TRPM3: variants seen among roughly 807,000 people sequenced by gnomAD.
The protein encoded by TRPM3 is transient receptor potential cation channel subfamily M member 3.
Under a neutral mutation model 181.2 loss-of-function variants are expected in TRPM3, and 77 were observed. The ratio of observed to expected loss-of-function variants is 0.42; its 90% CI spans 0.35 to 0.51. The LOEUF is 0.51. Ranked by LOEUF, TRPM3 falls within the 20% of genes least tolerant of loss-of-function variation. The pLI is 0.01. For missense variants in TRPM3, 1,759 were observed against 2,196.7 expected (o/e 0.80, Z 3.98); for synonymous variants, 745 against 796.4 (o/e 0.94, Z 1.09).
At chr9:70,991,557 T>TTTTG (rs2097485988) in intron 1 of TRPM3, among the ~76,000 whole-genome samples, 1 of 144,946 alleles carries the variant, frequency 6.9e-6, no homozygotes, top group Non-Finnish European at 1.5e-5. Context: ...ATGTGTCTGT[T>TTTTG]TTTTTTTTTT....
At chr9:71,375,510 G>A (rs961668855) in intron 1 of TRPM3, among the ~76,000 whole-genome samples, 14 of 152,192 alleles carry the variant, frequency 9.2e-5, no homozygotes, top group African/African-American at 2.9e-4. Context: ...CAACAGAAGC[G>A]AAAATTGACA....
rs1254978274 is a variant in TRPM3 at position 70,531,294 on chromosome 9, AAAAG to A, written c.*4655_*4658del. ...CATATTATTTGTTCAGTGCTTAAAA[AAAAG>A]ATTTAAAAATCCCTTGGTTACTTTT... On this transcript the variant is annotated 3_prime_UTR_variant, in exon 26 of 26. Transcript: ENST00000677713. 1 of 152,224 alleles carries A rather than the reference AAAAG, an allele frequency of 6.6e-6. No homozygotes were observed. The highest frequency in any genetic ancestry group is 1.5e-5 in the Non-Finnish European group (1 of 68,044). The allele number at this position is 152,224 out of a possible 1,614,324, so 9.4% of individuals were successfully genotyped here.
intron 6 of TRPM3, among the ~76,000 whole-genome samples, chr9:70,815,692 T>C (rs1360157615): frequency 6.6e-6 from 1 of 152,236 alleles, no homozygotes; most frequent in Non-Finnish European, 1.5e-5. Flanking sequence ...GATTTGTAGA[T>C]ACTCGGCATA....
At chr9:70,644,157 C>T (rs895060393) in intron 9 of TRPM3, among the ~76,000 whole-genome samples, 1 of 152,184 alleles carries the variant, frequency 6.6e-6, no homozygotes, top group African/African-American at 2.4e-5. Context: ...TAAGGTCAAC[C>T]TCTTCACAGA....
intron 6 of TRPM3, 126 bp downstream of exon 6, chr9:70,827,721 T>C: frequency 8.2e-7 from 1 of 1,213,084 alleles, no homozygotes. Context: ...TCTGGCCCGG[T>C]AGAAATAATG....
intron 1 of TRPM3, among the ~76,000 whole-genome samples, chr9:71,283,687 G>A (rs2085045050): frequency 6.6e-6 from 1 of 152,010 alleles, no homozygotes. Flanking sequence ...TGGGCACTTG[G>A]GTATCACAAA....
chr9:71,212,807 T>G (rs2131808513), intron 1 of TRPM3, among the ~76,000 whole-genome samples: 1 of 152,286 alleles, frequency 6.6e-6, no homozygotes, highest in African/African-American at 2.4e-5. Flanking sequence ...TTTTCCCCTT[T>G]CAGAGATTTT....
In TRPM3 at chr9:71,166,731, A is replaced by C. The variant is rs12003754; in HGVS notation, c.183+279922T>G. 9.6e-3 allele frequency among the ~76,000 whole-genome samples: 1,467 copies of C among 152,326 alleles called. 25 individuals are homozygous for C. The highest frequency in any genetic ancestry group is 0.033 in the African/African-American group (1,376 of 41,564). On this transcript the variant is annotated intron_variant, in intron 1 of 24. Transcript: ENST00000357533. ...TTAGAAAGGAAGAATAAAAGGACTA[A>C]TGGACTGTTAATGTAGAAGCTCAAA...
chr9:71,133,207 G>C (rs1033485505), intron 1 of TRPM3, among the ~76,000 whole-genome samples: 8 of 148,338 alleles, frequency 5.4e-5, no homozygotes, highest in African/African-American at 2.0e-4. Context: ...GATAATCACA[G>C]AAAAAGAAAT....
At chr9:70,850,298 G>A (rs1334188255) in intron 3 of TRPM3, among the ~76,000 whole-genome samples, 1 of 152,062 alleles carries the variant, frequency 6.6e-6, no homozygotes, top group African/African-American at 2.4e-5. Flanking sequence ...GGAGCATTCA[G>A]GCAGAAGAGG....
At chr9:70,791,540 G>A (rs189389392) in intron 6 of TRPM3, among the ~76,000 whole-genome samples, 2 of 152,234 alleles carry the variant, frequency 1.3e-5, no homozygotes, top group Admixed American at 1.3e-4. Flanking sequence ...CTTACTGATA[G>A]TTAACTTAAT....
At chr9:71,089,466 C>A (rs2065843293) in intron 1 of TRPM3, among the ~76,000 whole-genome samples, 2 of 151,110 alleles carry the variant, frequency 1.3e-5, no homozygotes, top group South Asian at 2.1e-4. Context: ...TCCTTTATAT[C>A]TCTTGAAGGT....
In TRPM3 at chr9:70,591,074, G is replaced by A; in HGVS notation, c.3180C>T (p.Pro1060=). The change falls in exon 22 of 26, where the codon CCC becomes CCT. Residue 1060 remains proline (P), a synonymous_variant. Transcript: ENST00000677713. ...ACACTTCCCCATAAATCATCCAATA[G>A]GGCATGTAGAAGATGTTCTTGGCCA... The part of the protein sequence containing the change: ...WKLAKNIFYM[P]YWMIYGEVFA... The A allele has an allele frequency of 6.2e-7, 1 of 1,614,098 alleles. No homozygotes were observed. The highest frequency in any genetic ancestry group is 8.5e-7 in the Non-Finnish European group (1 of 1,180,012).
At chr9:71,227,837 A>C (rs778523829) in intron 1 of TRPM3, among the ~76,000 whole-genome samples, 1 of 152,208 alleles carries the variant, frequency 6.6e-6, no homozygotes, top group Non-Finnish European at 1.5e-5. Context: ...GACCAAGGCC[A>C]TAATAAAAAA....
chr9:71,085,100 C>T (rs759540937), intron 1 of TRPM3, among the ~76,000 whole-genome samples: 1 of 151,996 alleles, frequency 6.6e-6, no homozygotes, highest in Non-Finnish European at 1.5e-5. Context: ...AAACTGAACC[C>T]CTACTTTTCA....
intron 1 of TRPM3, among the ~76,000 whole-genome samples, chr9:70,901,917 C>T (rs1211026527): frequency 6.6e-6 from 1 of 152,186 alleles, no homozygotes; most frequent in East Asian, 1.9e-4. Context: ...TGTTCATCAT[C>T]ATCATTAGGC....
chr9:71,230,309 G>C (rs998319192), intron 1 of TRPM3, among the ~76,000 whole-genome samples: 8 of 151,670 alleles, frequency 5.3e-5, no homozygotes, highest in Non-Finnish European at 8.8e-5. Context: ...ATGATTACCA[G>C]AGTCTGGGAA....
At chr9:70,995,074 C>T (rs1048832907) in intron 1 of TRPM3, among the ~76,000 whole-genome samples, 3 of 152,050 alleles carry the variant, frequency 2.0e-5, no homozygotes, top group African/African-American at 7.2e-5. Context: ...TGATTCCAGC[C>T]GTGTCTTCTC....
chr9:70,907,031 T>A (rs1056342385), intron 1 of TRPM3, among the ~76,000 whole-genome samples: 2 of 152,262 alleles, frequency 1.3e-5, no homozygotes, highest in African/African-American at 4.8e-5. Flanking sequence ...ACATTTGTTA[T>A]CTACTCTTGA....
Sources: allele counts gnomAD v4.1 joint callset (sites outside exome capture counted in the v4.1 genomes callset), GRCh38; gene constraint gnomAD v4.1.1; transcripts MANE v1.5; gene names NCBI Gene and HGNC (gene_info 2026-07-23, HGNC 2026-07-21).